APPBP2: variants seen among roughly 807,000 people sequenced by gnomAD.
The protein encoded by APPBP2 is amyloid beta precursor protein binding protein 2.
A neutral mutation model predicts 76.0 loss-of-function variants in APPBP2; 15 were observed. The observed-to-expected ratio is 0.20, with a 90% CI of 0.13 to 0.30. The LOEUF is 0.30. APPBP2 is among the 10% of genes least tolerant of loss of function. APPBP2 has a pLI of 1.00. For synonymous variants in APPBP2, 222 were observed against 242.2 expected, an observed-to-expected ratio of 0.92 and a Z score of 0.77; for missense variants, 401 against 687.2, an observed-to-expected ratio of 0.58 and a Z score of 4.66.
intron 6 of APPBP2, among the ~76,000 whole-genome samples, chr17:60,463,562 C>G (rs914047477): frequency 1.3e-5 from 2 of 152,094 alleles, no homozygotes; most frequent in Non-Finnish European, 2.9e-5. Flanking sequence ...TAAGGACTGC[C>G]TAGCAGGTCA....
chr17:60,475,408 A>T (rs1324054187), intron 4 of APPBP2, among the ~76,000 whole-genome samples: 2 of 152,106 alleles, frequency 1.3e-5, no homozygotes, highest in Non-Finnish European at 2.9e-5. Context: ...CCTTGCTGGA[A>T]CTTATATTTG....
intron 3 of APPBP2, among the ~76,000 whole-genome samples, chr17:60,493,633 C>CTTTTTTTTTTTTTT (rs150636419): frequency 7.1e-6 from 1 of 141,698 alleles, no homozygotes; most frequent in Non-Finnish European, 1.5e-5. Context: ...CATGCCCAGC[C>CTTTTTTTTTTTTTT]TTTTTTTTTT....
chr17:60,480,215 A>G (rs1054689584), intron 3 of APPBP2, among the ~76,000 whole-genome samples: 2 of 152,212 alleles, frequency 1.3e-5, no homozygotes, highest in African/African-American at 4.8e-5. Flanking sequence ...TCTACAAAAG[A>G]TACAAAAGTA....
At chr17:60,474,242 C>T (rs2143362637) in intron 4 of APPBP2, among the ~76,000 whole-genome samples, 1 of 151,400 alleles carries the variant, frequency 6.6e-6, no homozygotes, top group Admixed American at 6.6e-5. Flanking sequence ...GCAATCTTGA[C>T]TCACTGCAAC....
Position 60,525,891 on chromosome 17 carries a change from T to TAG in APPBP2, c.39_40dup (p.Tyr14SerfsTer58). 6.2e-7 allele frequency: 1 copy of TAG among 1,614,032 alleles called. No individual in the cohort carries two copies. Among genetic ancestry groups the TAG allele is most frequent in the Non-Finnish European group, 8.5e-7 (1 of 1,179,992 alleles). On this transcript the variant is annotated frameshift_variant, in exon 1 of 13. Coordinates refer to ENST00000083182, the MANE Select transcript of APPBP2 (RefSeq NM_006380.5). LOFTEE classifies it high-confidence loss of function. ...CACGACAGCGGAGATGGCGGTGTTA[T>TAG]AGAGAGTCTCTGGGATCCACTCTAG... is the stretch of plus-strand genomic sequence containing the variant.
rs539158837 is a variant in APPBP2 at position 60,503,100 on chromosome 17, C to A, written c.139-2613G>T. Reference sequence around the variant, plus strand: ...TGATCTCAGCTCACTGCAACCTCCACCTCCTGGGTTCAAGCGATTCTCCTG... The same window carrying A: ...TGATCTCAGCTCACTGCAACCTCCAACTCCTGGGTTCAAGCGATTCTCCTG... On this transcript the variant is annotated intron_variant, in intron 1 of 12. Coordinates refer to ENST00000083182, the MANE Select transcript of APPBP2 (RefSeq NM_006380.5). Among the ~76,000 whole-genome samples, 5 of 143,612 alleles carry A rather than the reference C, an allele frequency of 3.5e-5. No homozygotes were observed. The East Asian group carries it at 9.8e-4, about 28-fold the overall frequency. 94.2% of individuals were successfully genotyped at this position (143,612 alleles called of 152,430 possible).
At chr17:60,465,225 C>T (rs973521272) in intron 5 of APPBP2, 31 of 152,194 alleles carry the variant, frequency 2.0e-4, no homozygotes, top group African/African-American at 7.5e-4. Context: ...CAAAACCACG[C>T]TGTGTCTTGA....
rs967421013 is a variant in APPBP2 at position 60,446,771 on chromosome 17, A to G, written c.*810T>C. 2.0e-5 allele frequency: 3 copies of G among 152,212 alleles called. No homozygotes were observed. Among genetic ancestry groups the G allele is most frequent in the African/African-American group, 7.2e-5 (3 of 41,456 alleles). The allele number at this position is 152,212 out of a possible 1,614,324, so 9.4% of individuals were successfully genotyped here. A position where few individuals can be genotyped will look rare whatever the true frequency, so the allele number is the denominator to read the frequency against. The stretch of plus-strand genomic sequence containing the variant: ...CTTTTTCATTATACATCTAAATGAA[A>G]TCATTCTACTGATAAAAGTATATGT... On this transcript the variant is annotated 3_prime_UTR_variant, in exon 13 of 13. Coordinates refer to ENST00000083182, the MANE Select transcript of APPBP2 (RefSeq NM_006380.5).
chr17:60,495,997 AC>A (rs1347760858), intron 2 of APPBP2, among the ~76,000 whole-genome samples: 1 of 152,222 alleles, frequency 6.6e-6, no homozygotes, highest in Non-Finnish European at 1.5e-5. Flanking sequence ...ACATGAATGA[AC>A]CTTAAAAACA....
At chr17:60,500,566 T>G in intron 1 of APPBP2, 79 bp from the exon 2 acceptor site, 1 of 1,002,716 alleles carries the variant, frequency 1.0e-6, no homozygotes, top group Non-Finnish European at 1.5e-6. Context: ...ATAAATGTAA[T>G]TTGATTAATT....
At chr17:60,496,661 CTT>C (rs910996984) in intron 2 of APPBP2, among the ~76,000 whole-genome samples, 1 of 152,100 alleles carries the variant, frequency 6.6e-6, no homozygotes, top group African/African-American at 2.4e-5. Flanking sequence ...TCTCTATAAT[CTT>C]AGCACACAGG....
rs1176630961 is a variant in APPBP2, at chr17:60,498,135, A to G, written c.227+2264T>C. Among the ~76,000 whole-genome samples the G allele has an allele frequency of 4.6e-5, 7 of 152,122 alleles. No homozygotes were observed. In the East Asian group the frequency reaches 1.3e-3, roughly 29 times the overall value. ...GAAGTGAGACCCTGGCTCCAAAAAA[A>G]AAAAAGAACAGCAAGTACAATGAAA... On this transcript the variant is annotated intron_variant, in intron 2 of 12. Transcript: ENST00000083182.
intron 10 of APPBP2, among the ~76,000 whole-genome samples, chr17:60,454,986 A>G (rs1462947478): frequency 1.3e-5 from 2 of 152,222 alleles, no homozygotes; most frequent in Admixed American, 1.3e-4. Context: ...TCAAAGCTCC[A>G]TTCAAGACTT....
intron 3 of APPBP2, among the ~76,000 whole-genome samples, chr17:60,485,232 G>C (rs1384364569): frequency 6.6e-6 from 1 of 152,146 alleles, no homozygotes; most frequent in African/African-American, 2.4e-5. Context: ...AAATGAGTTA[G>C]GGAGAGTTCC....
chr17:60,448,926 C>T (rs549746972), intron 12 of APPBP2, among the ~76,000 whole-genome samples: 11 of 152,056 alleles, frequency 7.2e-5, no homozygotes, highest in East Asian at 3.9e-4. Flanking sequence ...GTTAATATTT[C>T]GCATACTCAA....
intron 4 of APPBP2, among the ~76,000 whole-genome samples, chr17:60,471,267 CTA>C (rs1490771578): frequency 3.9e-5 from 6 of 152,064 alleles, no homozygotes; most frequent in African/African-American, 1.2e-4. Flanking sequence ...TCCAACAAAT[CTA>C]TAGTTTTACT....
At chr17:60,453,814 G>T (rs1477444253) in intron 11 of APPBP2, among the ~76,000 whole-genome samples, 1 of 151,938 alleles carries the variant, frequency 6.6e-6, no homozygotes, top group Non-Finnish European at 1.5e-5. Flanking sequence ...GGGATTACAG[G>T]CATAAGCCAC....
intron 1 of APPBP2, among the ~76,000 whole-genome samples, chr17:60,521,778 A>ATT (rs146765975): frequency 2.7e-5 from 4 of 150,498 alleles, no homozygotes; most frequent in African/African-American, 9.8e-5. Flanking sequence ...ACATTATGAG[A>ATT]TTTTTTTTTT....
intron 3 of APPBP2, among the ~76,000 whole-genome samples, chr17:60,491,699 G>C (rs1204620108): frequency 1.3e-5 from 2 of 152,098 alleles, no homozygotes; most frequent in African/African-American, 4.8e-5. Context: ...ACCCACCTTG[G>C]CCTCCCAAAG....
Sources: allele counts gnomAD v4.1 joint callset (sites outside exome capture counted in the v4.1 genomes callset), GRCh38; gene constraint gnomAD v4.1.1; transcripts MANE v1.5; gene names NCBI Gene and HGNC (gene_info 2026-07-23, HGNC 2026-07-21).